The following MRLN variants were observed in gnomAD, a reference collection of about 807,000 sequenced individuals.
The protein encoded by MRLN is Linc-RNA activator of myogenesis.
rs1387557299 is a variant in MRLN, at chr10:59,737,852, A to G, written c.-21+607T>C. Among the ~76,000 whole-genome samples the G allele has an allele frequency of 2.0e-5, 3 of 152,228 alleles. No homozygotes were observed. In the East Asian group the frequency reaches 5.8e-4, roughly 29 times the overall value. ...ACGTCTGTTAGGCAGGACATTTAGA[A>G]GCATTCTTAATCCCTTTTACAGGGG... On this transcript the variant is annotated intron_variant, in intron 2 of 2. Coordinates refer to ENST00000414264, the MANE Select transcript of MRLN (RefSeq NM_001304731.2).
intron 1 of MRLN, among the ~76,000 whole-genome samples, chr10:59,742,588 T>A (rs554476677): frequency 1.4e-4 from 21 of 152,328 alleles, no homozygotes; most frequent in African/African-American, 4.8e-4. Context: ...GTGGTGGTTA[T>A]ACTAGCAATC....
At position 59,753,114 on chromosome 10, in the gene MRLN, T is replaced by C. The variant is rs147633848; in HGVS notation, c.-125+240A>G. ...CTGCCTTTATTTAACCAAAAGAAAA[T>C]GAGAGGAGTAGAAATCTAATTCATT... On this transcript the variant is annotated intron_variant, in intron 1 of 2. Transcript: ENST00000414264. Among the ~76,000 whole-genome samples the C allele has an allele frequency of 2.0e-4, 30 of 152,234 alleles. No homozygotes were observed. The East Asian group carries it at 5.6e-3, about 28-fold the overall frequency.
At chr10:59,752,940 C>G (rs1274090141) in intron 1 of MRLN, among the ~76,000 whole-genome samples, 1 of 152,208 alleles carries the variant, frequency 6.6e-6, no homozygotes, top group Non-Finnish European at 1.5e-5. Flanking sequence ...CTCCTCCCCC[C>G]AATCCCCTAC....
chr10:59,742,187 G>A (rs998946489), intron 1 of MRLN, among the ~76,000 whole-genome samples: 2 of 152,134 alleles, frequency 1.3e-5, no homozygotes, highest in Admixed American at 6.5e-5. Context: ...AATGCCATTA[G>A]TACACGGATA....
intron 1 of MRLN, among the ~76,000 whole-genome samples, chr10:59,752,617 A>G (rs1333623132): frequency 6.6e-6 from 1 of 152,232 alleles, no homozygotes; most frequent in African/African-American, 2.4e-5. Context: ...ACATAACCAA[A>G]GCAGAAAGCT....
chr10:59,740,776 TTTTCTTTCTTTCTTTC>T lies in MRLN; in HGVS notation c.-124-2230_-124-2215del, dbSNP rs145234174. 2.3e-4 allele frequency among the ~76,000 whole-genome samples: 33 copies of T among 141,656 alleles called. No individual in the cohort carries two copies. In the South Asian group the frequency reaches 5.7e-3, roughly 25 times the overall value. The allele number at this position is 141,656 out of a possible 152,430, so 92.9% of individuals were successfully genotyped here. A position where few individuals can be genotyped will look rare whatever the true frequency, so the allele number is the denominator to read the frequency against. The stretch of plus-strand genomic sequence containing the variant: ...AATTTAATTTTTTTCTTTTTCTTTG[TTTTCTTTCTTTCTTTC>T]TTTCTTTCTTTCTTTTTTTTTTGAG... On this transcript the variant is annotated intron_variant, in intron 1 of 2. Coordinates refer to ENST00000414264, the MANE Select transcript of MRLN (RefSeq NM_001304731.2).
chr10:59,744,534 AGCGC>A (rs1564726365), intron 1 of MRLN, among the ~76,000 whole-genome samples: 23 of 150,502 alleles, frequency 1.5e-4, no homozygotes, highest in African/African-American at 4.9e-4. Context: ...GAGGTGGGGG[AGCGC>A]GCCTCTGCCC....
At chr10:59,742,396 GAA>G (rs1840993069) in intron 1 of MRLN, among the ~76,000 whole-genome samples, 1 of 152,148 alleles carries the variant, frequency 6.6e-6, no homozygotes, top group Non-Finnish European at 1.5e-5. Context: ...ATATAAACTA[GAA>G]AAATAGAGTT....
rs184305381 is a variant in MRLN, at chr10:59,750,633, G to A, written c.-125+2721C>T. ...TTCAGTTATGGGCACTGAACATTAC[G>A]AAATATTCTGGAATTGAAATAATCA... On this transcript the variant is annotated intron_variant, in intron 1 of 2. Transcript: ENST00000414264. 4.1e-3 allele frequency among the ~76,000 whole-genome samples: 627 copies of A among 152,292 alleles called. 2 individuals carry two copies. The highest frequency in any genetic ancestry group is 0.013 in the African/African-American group (552 of 41,558).
rs187144156 is a variant in MRLN, at chr10:59,753,394, T to A, written c.-165A>T. On this transcript the variant is annotated 5_prime_UTR_variant, in exon 1 of 3. Coordinates refer to ENST00000414264, the MANE Select transcript of MRLN (RefSeq NM_001304731.2). ...TAAGCGAAGTCCAAAGTCAAGGGAA[T>A]GATCTCTCTCTTTTATGAAAAACAC... The A allele has an allele frequency of 6.6e-6, 1 of 152,102 alleles. No homozygotes were observed. Among genetic ancestry groups the A allele is most frequent in the African/African-American group, 2.4e-5 (1 of 41,504 alleles). 9.4% of individuals were successfully genotyped at this position (152,102 alleles called of 1,614,324 possible).
chr10:59,750,062 CTTTTTTTTTTTTTT>C (rs71006289), intron 1 of MRLN, among the ~76,000 whole-genome samples: 1 of 58,822 alleles, frequency 1.7e-5, no homozygotes, highest in African/African-American at 6.9e-5. Flanking sequence ...CTCTCTCTCT[CTTTTTTTTTTTTTT>C]TTTTTTTTTT....
At chr10:59,747,149 T>C (rs1407467388) in intron 1 of MRLN, among the ~76,000 whole-genome samples, 1 of 152,248 alleles carries the variant, frequency 6.6e-6, no homozygotes, top group African/African-American at 2.4e-5. Flanking sequence ...CTACCTATTT[T>C]ATTCATATTT....
At chr10:59,751,669 CAAAAAAA>C (rs10652105) in intron 1 of MRLN, among the ~76,000 whole-genome samples, 2 of 82,402 alleles carry the variant, frequency 2.4e-5, no homozygotes, top group African/African-American at 5.3e-5. Flanking sequence ...GACTCTGTCT[CAAAAAAA>C]AAAAAAAAAA....
intron 1 of MRLN, among the ~76,000 whole-genome samples, chr10:59,740,597 A>T (rs1273249288): frequency 1.3e-5 from 2 of 152,146 alleles, no homozygotes; most frequent in Admixed American, 1.3e-4. Context: ...TTTGATAGAA[A>T]AAAGCTTATA....
intron 1 of MRLN, among the ~76,000 whole-genome samples, chr10:59,745,728 A>G (rs1257783409): frequency 6.6e-6 from 1 of 151,464 alleles, no homozygotes; most frequent in Non-Finnish European, 1.5e-5. Flanking sequence ...GGTATCCCAC[A>G]GAGTTAGACA....
At chr10:59,742,292 A>G (rs1291798769) in intron 1 of MRLN, among the ~76,000 whole-genome samples, 7 of 152,238 alleles carry the variant, frequency 4.6e-5, no homozygotes, top group African/African-American at 1.7e-4. Context: ...CAAATATACC[A>G]TTGAATTTTA....
At chr10:59,738,797 G>A (rs988405992) in intron 1 of MRLN, 2 of 152,138 alleles carry the variant, frequency 1.3e-5, no homozygotes, top group African/African-American at 4.8e-5. Context: ...GGATTTTCCT[G>A]GTGGGGCAAA....
At chr10:59,750,016 T>C (rs1405857920) in intron 1 of MRLN, among the ~76,000 whole-genome samples, 1 of 150,678 alleles carries the variant, frequency 6.6e-6, no homozygotes, top group East Asian at 2.0e-4. Context: ...AGCCACTGTG[T>C]TTCTCTTCTC....
At chr10:59,742,192 C>T (rs777305063) in intron 1 of MRLN, among the ~76,000 whole-genome samples, 10 of 151,920 alleles carry the variant, frequency 6.6e-5, no homozygotes, top group African/African-American at 1.5e-4. Context: ...CATTAGTACA[C>T]GGATAAATTG....
Sources: allele counts gnomAD v4.1 joint callset (sites outside exome capture counted in the v4.1 genomes callset), GRCh38; gene constraint gnomAD v4.1.1; transcripts MANE v1.5; gene names NCBI Gene and HGNC (gene_info 2026-07-23, HGNC 2026-07-21).